The following UBR1 variants were observed in gnomAD, a reference collection of about 807,000 sequenced individuals.
UBR1 encodes ubiquitin protein ligase E3 component n-recognin 1, also known as E3 ubiquitin-protein ligase UBR1.
A neutral mutation model predicts 242.1 loss-of-function variants in UBR1; 102 were observed. That is an observed-to-expected ratio of 0.42 (90% confidence interval 0.36 to 0.50). The LOEUF is 0.50. Among genes scored for constraint, UBR1 ranks in the 20% least tolerant of loss-of-function variants. The pLI is 0.01. For synonymous variants in UBR1, 675 were observed against 684.8 expected, an observed-to-expected ratio of 0.99 and a Z score of 0.22; for missense variants, 1,772 against 2,101.8, an observed-to-expected ratio of 0.84 and a Z score of 3.07.
intron 5 of UBR1, among the ~76,000 whole-genome samples, chr15:43,068,958 C>T (rs2033789284): frequency 6.6e-6 from 1 of 152,168 alleles, no homozygotes; most frequent in Non-Finnish European, 1.5e-5. Context: ...GGCTCAGAAC[C>T]TTGAAGCAAG....
intron 11 of UBR1, among the ~76,000 whole-genome samples, 192 bp from the exon 12 acceptor site, chr15:43,055,091 C>T (rs1282694464): frequency 6.6e-6 from 1 of 152,158 alleles, no homozygotes; most frequent in Non-Finnish European, 1.5e-5. Flanking sequence ...TTCCCTACTC[C>T]TCAGTAACTA....
intron 32 of UBR1, among the ~76,000 whole-genome samples, chr15:42,999,102 A>T (rs762678945): frequency 1.4e-4 from 21 of 151,938 alleles, no homozygotes; most frequent in South Asian, 4.1e-4. Context: ...CACCACGCCC[A>T]GCTAATTTTT....
intron 29 of UBR1, among the ~76,000 whole-genome samples, chr15:43,013,877 C>A (rs1424773073): frequency 6.6e-6 from 1 of 152,108 alleles, no homozygotes; most frequent in Non-Finnish European, 1.5e-5. Flanking sequence ...CTTCCCCCTC[C>A]CCCTCCCCAC....
At chr15:42,974,452 A>T (rs1320333561) in intron 39 of UBR1, among the ~76,000 whole-genome samples, 1 of 152,034 alleles carries the variant, frequency 6.6e-6, no homozygotes, top group Non-Finnish European at 1.5e-5. Context: ...TGCCAACCAC[A>T]CTGTCTTTAT....
At chr15:43,075,787 G>T (rs2033881217) in intron 3 of UBR1, among the ~76,000 whole-genome samples, 2 of 151,546 alleles carry the variant, frequency 1.3e-5, no homozygotes, top group African/African-American at 4.9e-5. Context: ...GGCTAATTTT[G>T]TATTTTTAGT....
Position 42,990,109 on chromosome 15 carries a change from T to C in UBR1, c.3769A>G (p.Ile1257Val). ...NIRHAKGENP[I>V]PIFFNQGMGD... is the part of the protein sequence containing the mutation. ...ATTCCTTGATTAAAGAAAATAGGAATTGGGTTTTCTCCTTATAAATTAAAA... is the reference window on the plus strand; with the variant it reads ...ATTCCTTGATTAAAGAAAATAGGAACTGGGTTTTCTCCTTATAAATTAAAA... Residue 1257 changes from isoleucine (I) to valine (V), a missense_variant, in exon 34 of 47, where the codon ATT (isoleucine) becomes GTT (valine). By Grantham distance (29) the Ile-to-Val change is conservative (BLOSUM62 3). Around this residue, in one of 3 missense-constraint regions of UBR1, gnomAD observed 965 missense variants for 1,079.7 expected, o/e 0.89. Transcript: ENST00000290650. The C allele has an allele frequency of 4.4e-6, 7 of 1,593,716 alleles. No homozygotes were observed. The East Asian group carries it at 6.7e-5, about 15-fold the overall frequency.
At chr15:42,992,720 C>T (rs968295426) in intron 33 of UBR1, among the ~76,000 whole-genome samples, 3 of 152,138 alleles carry the variant, frequency 2.0e-5, no homozygotes, top group Admixed American at 6.5e-5. Context: ...TTGGGGATTT[C>T]CCACCCCAGT....
intron 2 of UBR1, 37 bp from the exon 3 acceptor site, chr15:43,082,753 T>C (rs1437726944): frequency 2.1e-6 from 3 of 1,452,308 alleles, no homozygotes; most frequent in Non-Finnish European, 2.9e-6. Context: ...AAAATTTAGA[T>C]GACTCCCACT....
intron 22 of UBR1, 127 bp from the exon 23 acceptor site, chr15:43,026,790 T>C (rs538867106): frequency 1.0e-5 from 8 of 767,694 alleles, no homozygotes; most frequent in Non-Finnish European, 1.7e-5. Context: ...ATTTAGCTTA[T>C]GAAAAATTCC....
chr15:42,956,153 G>T (rs2031916692), intron 44 of UBR1, among the ~76,000 whole-genome samples: 1 of 152,182 alleles, frequency 6.6e-6, no homozygotes, highest in Non-Finnish European at 1.5e-5. Context: ...TACCTGTTCT[G>T]CTGTTTAATG....
chr15:43,093,042 A>C (rs1269611530), intron 1 of UBR1, among the ~76,000 whole-genome samples: 1 of 152,198 alleles, frequency 6.6e-6, no homozygotes, highest in Non-Finnish European at 1.5e-5. Context: ...GTCCAGGAAA[A>C]AAAAAATAAC....
At chr15:43,067,225 GT>G (rs541752203) in intron 6 of UBR1, among the ~76,000 whole-genome samples, 9 of 150,252 alleles carry the variant, frequency 6.0e-5, no homozygotes, top group African/African-American at 9.8e-5. Flanking sequence ...GTACCCTTTT[GT>G]TTTTTTTTGA....
At chr15:42,946,148 G>C (rs2031729630) in intron 46 of UBR1, among the ~76,000 whole-genome samples, 1 of 151,928 alleles carries the variant, frequency 6.6e-6, no homozygotes, top group East Asian at 1.9e-4. Flanking sequence ...TTTGGAGATG[G>C]AGTTTCGCTC....
intron 3 of UBR1, among the ~76,000 whole-genome samples, chr15:43,081,479 G>C (rs1311848193): frequency 6.6e-6 from 1 of 150,398 alleles, no homozygotes; most frequent in Non-Finnish European, 1.5e-5. Flanking sequence ...ACCAGCATTT[G>C]GTGCTGTCAG....
chr15:42,958,586 TTGATTTAA>T (rs1181182775), intron 43 of UBR1, among the ~76,000 whole-genome samples: 2 of 152,148 alleles, frequency 1.3e-5, no homozygotes, highest in African/African-American at 4.8e-5. Flanking sequence ...AAGGCTAATA[TTGATTTAA>T]GAAATGTCAA....
At chr15:43,091,174 G>A (rs555024865) in intron 1 of UBR1, among the ~76,000 whole-genome samples, 2 of 152,208 alleles carry the variant, frequency 1.3e-5, no homozygotes, top group South Asian at 4.1e-4. Context: ...CCGACCTCAG[G>A]TGATCCGCCC....
At position 43,024,981 on chromosome 15, in the gene UBR1, A is replaced by G. The variant is rs1402278275; in HGVS notation, c.2587T>C (p.Leu863=). The G allele has an allele frequency of 6.2e-7, 1 of 1,614,086 alleles. No homozygotes were observed. Among genetic ancestry groups the G allele is most frequent in the Admixed American group, 1.7e-5 (1 of 60,014 alleles). The part of the protein sequence containing the change: ...RRKQENKDEA[L]PPPPPPEFCP... ...AATTCAGGAGGTGGTGGTGGCGGCA[A>G]TGCTATAGGAGGTGGGGAATGGATG... Residue 863 remains leucine (L), a splice_region_variant and synonymous_variant, in exon 25 of 47, where the codon TTG becomes CTG. Transcript: ENST00000290650.
Position 43,027,823 on chromosome 15 carries a change from A to G in UBR1, c.2385T>C (p.Asn795=). 8.7e-6 allele frequency: 14 copies of G among 1,612,384 alleles called. No individual in the cohort carries two copies. The highest frequency in any genetic ancestry group is 1.2e-5 in the Non-Finnish European group (14 of 1,179,316). The stretch of plus-strand genomic sequence containing the variant: ...TGACATTCTCTAAGCCAGTTTCATT[A>G]TTTTCCTGTTGAAACAATATTTTTG... ...AIAKNLPENE[N]NETGLENVIN... Residue 795 remains asparagine, a synonymous_variant, in exon 22 of 47, where the codon AAT becomes AAC. Transcript: ENST00000290650.
chr15:43,018,926 C>T (rs2033066067), intron 27 of UBR1, among the ~76,000 whole-genome samples: 1 of 152,198 alleles, frequency 6.6e-6, no homozygotes, highest in African/African-American at 2.4e-5. Context: ...GAATGCTGAA[C>T]TAAATGGTAC....
Sources: gnomAD v4.1 joint callset for allele counts (sites outside exome capture counted in the v4.1 genomes callset) on GRCh38, gnomAD v4.1.1 for gene constraint, gnomAD v4.1.1 regional missense constraint, MANE v1.5 for transcripts, NCBI Gene and HGNC (gene_info 2026-07-23, HGNC 2026-07-21) for gene names.